The following DLGAP1 variants were observed in gnomAD, a reference collection of about 807,000 sequenced individuals.
DLGAP1 encodes the protein DLG associated protein 1.
Under a neutral mutation model 90.8 loss-of-function variants are expected in DLGAP1, and 11 were observed. That is an observed-to-expected ratio of 0.12 (90% CI 0.08 to 0.20). The LOEUF is 0.20. DLGAP1 is among the 10% of genes least tolerant of loss of function. The pLI is 1.00. For missense variants in DLGAP1, 1,050 were observed against 1,333.8 expected (o/e 0.79, Z 3.31); for synonymous variants, 558 against 540.7 (o/e 1.03, Z -0.44).
intron 3 of DLGAP1, among the ~76,000 whole-genome samples, chr18:3,999,451 C>T (rs978726276): frequency 6.6e-6 from 1 of 152,072 alleles, no homozygotes; most frequent in African/African-American, 2.4e-5. Context: ...TATTTCTGTC[C>T]ATACAAGCAT....
chr18:4,042,856 C>T (rs1386034743), intron 2 of DLGAP1, among the ~76,000 whole-genome samples: 1 of 151,844 alleles, frequency 6.6e-6, no homozygotes, highest in African/African-American at 2.4e-5. Flanking sequence ...TCCGAGTTTC[C>T]CCAAAAGATC....
chr18:3,628,050 AT>A (rs1365211567), intron 7 of DLGAP1, among the ~76,000 whole-genome samples: 2 of 150,712 alleles, frequency 1.3e-5, no homozygotes, highest in East Asian at 2.0e-4. Flanking sequence ...TAATTTTTGT[AT>A]TTTTAGTAGA....
intron 2 of DLGAP1, among the ~76,000 whole-genome samples, chr18:4,043,844 GA>G (rs1397942860): frequency 2.0e-5 from 3 of 152,164 alleles, no homozygotes; most frequent in Non-Finnish European, 2.9e-5. Flanking sequence ...CTAAAAAGCT[GA>G]TTCAGGCACT....
chr18:4,266,608 A>G (rs1456803645), intron 1 of DLGAP1, among the ~76,000 whole-genome samples: 1 of 152,198 alleles, frequency 6.6e-6, no homozygotes, highest in Non-Finnish European at 1.5e-5. Flanking sequence ...AATTATTTCA[A>G]TTGCTCTTTC....
In DLGAP1 at chr18:3,841,612, T is replaced by C. The variant is rs993055586; in HGVS notation, c.958-27339A>G. Among the ~76,000 whole-genome samples the C allele has an allele frequency of 3.3e-5, 5 of 152,284 alleles. No individual in the cohort carries two copies. The South Asian group carries it at 1.0e-3, about 32-fold the overall frequency. ...GTCCCATTCCTTAATATCAGCATCA[T>C]ACATGACAACTTGAGCCTCAGTTCT... On this transcript the variant is annotated intron_variant, in intron 4 of 12. Coordinates refer to ENST00000315677, the MANE Select transcript of DLGAP1 (RefSeq NM_004746.4).
At chr18:4,337,291 TCAGGTGATCCCCC>T (rs2081091726) in intron 1 of DLGAP1, among the ~76,000 whole-genome samples, 1 of 150,004 alleles carries the variant, frequency 6.7e-6, no homozygotes, top group African/African-American at 2.5e-5. Context: ...CCTCCCAGGT[TCAGGTGATCCCCC>T]CACCTCAACT....
At chr18:3,741,208 C>CCACATCACCATCACCAT (rs2062989964) in intron 6 of DLGAP1, among the ~76,000 whole-genome samples, 1 of 121,852 alleles carries the variant, frequency 8.2e-6, no homozygotes, top group Non-Finnish European at 1.7e-5. Context: ...CAAATCACCA[C>CCACATCACCATCACCAT]CACCACCACC....
At chr18:3,955,025 G>C (rs2073057231) in intron 3 of DLGAP1, among the ~76,000 whole-genome samples, 1 of 152,180 alleles carries the variant, frequency 6.6e-6, no homozygotes, top group South Asian at 2.1e-4. Context: ...GGGATCCGCA[G>C]AGGATCCAAC....
chr18:4,011,583 G>C (rs1005644421), intron 2 of DLGAP1, among the ~76,000 whole-genome samples: 1 of 152,130 alleles, frequency 6.6e-6, no homozygotes, highest in Non-Finnish European at 1.5e-5. Flanking sequence ...TTGGGAGGCT[G>C]AGGCAGGAGG....
chr18:4,169,006 G>A (rs946346949), intron 1 of DLGAP1, among the ~76,000 whole-genome samples: 4 of 152,166 alleles, frequency 2.6e-5, no homozygotes, highest in African/African-American at 4.8e-5. Flanking sequence ...ATATTGCTAT[G>A]AGCATTAGTA....
intron 1 of DLGAP1, among the ~76,000 whole-genome samples, chr18:4,364,589 G>A (rs980469858): frequency 2.0e-5 from 3 of 151,714 alleles, no homozygotes; most frequent in African/African-American, 4.8e-5. Flanking sequence ...AAAATGTGTA[G>A]TTTAAAAAAA....
intron 5 of DLGAP1, among the ~76,000 whole-genome samples, chr18:3,776,522 C>A: frequency 6.6e-6 from 1 of 152,170 alleles, no homozygotes; most frequent in Non-Finnish European, 1.5e-5. Flanking sequence ...GGGACCAGTT[C>A]TTGGCTTCCT....
intron 5 of DLGAP1, among the ~76,000 whole-genome samples, chr18:3,804,435 C>G (rs1018715423): frequency 6.6e-6 from 1 of 152,194 alleles, no homozygotes; most frequent in Non-Finnish European, 1.5e-5. Flanking sequence ...GAAGGAAATA[C>G]GCTAATATTC....
rs376119967 is a variant in DLGAP1 at position 4,187,499 on chromosome 18, C to A, written c.-266-36212G>T. Among the ~76,000 whole-genome samples, 53 of 152,226 alleles carry A rather than the reference C, an allele frequency of 3.5e-4. No homozygotes were observed. In the South Asian group the frequency reaches 1.0e-2, roughly 29 times the overall value. ...ATATTAAGAACTAAAACATTTTCTACAGAAACTTGCCTTTTCAATTCTTAG... is the reference window on the plus strand; with the variant it reads ...ATATTAAGAACTAAAACATTTTCTAAAGAAACTTGCCTTTTCAATTCTTAG... On this transcript the variant is annotated intron_variant, in intron 1 of 12. Transcript: ENST00000315677.
intron 3 of DLGAP1, among the ~76,000 whole-genome samples, chr18:3,930,442 TCTA>T (rs1347772618): frequency 2.6e-5 from 4 of 152,154 alleles, no homozygotes; most frequent in African/African-American, 9.7e-5. Context: ...GTTTTAGAAG[TCTA>T]CATTAGTTCA....
intron 4 of DLGAP1, among the ~76,000 whole-genome samples, chr18:3,824,063 A>G (rs918590263): frequency 2.0e-5 from 3 of 151,624 alleles, no homozygotes. Flanking sequence ...TTAGTTTTTA[A>G]GATAACTTCA....
chr18:4,220,561 A>ACT (rs2078053680), intron 1 of DLGAP1, among the ~76,000 whole-genome samples: 1 of 151,482 alleles, frequency 6.6e-6, no homozygotes, highest in Admixed American at 6.6e-5. Context: ...TTTATTTTCC[A>ACT]CTCTCTCTAG....
At chr18:4,065,858 C>CA (rs148443047) in intron 2 of DLGAP1, among the ~76,000 whole-genome samples, 65,880 of 151,830 alleles carry the variant, frequency 0.43, 15,266 homozygotes, top group African/African-American at 0.6. Flanking sequence ...CTTGAACAGC[C>CA]AGCCAATCCT....
chr18:4,041,176 A>G (rs749222272), intron 2 of DLGAP1, among the ~76,000 whole-genome samples: 33 of 152,336 alleles, frequency 2.2e-4, no homozygotes, highest in Middle Eastern at 3.4e-3. Flanking sequence ...TGATATCTAG[A>G]AATCTGGTTT....
Sources: allele counts gnomAD v4.1 joint callset (sites outside exome capture counted in the v4.1 genomes callset), GRCh38; gene constraint gnomAD v4.1.1; transcripts MANE v1.5; gene names NCBI Gene and HGNC (gene_info 2026-07-23, HGNC 2026-07-21).